Variants in THOC1 observed in about 807,000 individuals in gnomAD.
THOC1 encodes the protein THO complex 1.
In THOC1, 29 loss-of-function variants were observed where a neutral mutation model predicts 97.3. The observed-to-expected ratio is 0.30, with a 90% CI of 0.22 to 0.41. The LOEUF is 0.41. THOC1 is among the 10% of genes least tolerant of loss of function. The pLI, the probability that THOC1 is intolerant of heterozygous loss-of-function variation, is 1.00. For missense variants in THOC1, 529 were observed against 761.9 expected, an observed-to-expected ratio of 0.69 and a Z score of 3.60; for synonymous variants, 255 against 257.0, an observed-to-expected ratio of 0.99 and a Z score of 0.07.
chr18:240,528 A>T (rs961728063), intron 11 of THOC1, among the ~76,000 whole-genome samples: 10 of 152,254 alleles, frequency 6.6e-5, no homozygotes, highest in African/African-American at 2.4e-4. Flanking sequence ...ATTACAAGTC[A>T]ATTTTACAAT....
At chr18:261,751 C>A (rs941213434) in intron 4 of THOC1, among the ~76,000 whole-genome samples, 3 of 152,190 alleles carry the variant, frequency 2.0e-5, no homozygotes, top group Non-Finnish European at 4.4e-5. Context: ...GCAGTATAGC[C>A]TGGAATAAGT....
intron 7 of THOC1, among the ~76,000 whole-genome samples, chr18:255,673 G>A (rs1231041752): frequency 6.6e-6 from 1 of 152,006 alleles, no homozygotes; most frequent in Admixed American, 6.6e-5. Context: ...ATTGATGAAG[G>A]TGGCTACACT....
chr18:231,312 A>G (rs527995254), intron 11 of THOC1, among the ~76,000 whole-genome samples: 3 of 152,136 alleles, frequency 2.0e-5, no homozygotes, highest in Non-Finnish European at 4.4e-5. Context: ...TTCTAACCCT[A>G]AAAAGGCTCA....
intron 9 of THOC1, among the ~76,000 whole-genome samples, chr18:249,873 G>A (rs989872473): frequency 4.6e-5 from 7 of 152,162 alleles, no homozygotes; most frequent in African/African-American, 1.7e-4. Context: ...CAACATGTAA[G>A]ATTGAATATA....
chr18:218,870 TGAG>T lies in THOC1; in HGVS notation c.1454+13_1454+15del, dbSNP rs760531847. 6.4e-7 allele frequency: 1 copy of T among 1,574,334 alleles called. No individual in the cohort carries two copies. The highest frequency in any genetic ancestry group is 8.7e-7 in the Non-Finnish European group (1 of 1,155,736). On this transcript the variant is annotated intron_variant, in intron 18 of 20. Transcript: ENST00000261600. Reference sequence around the variant, plus strand: ...ATTGAAGAAAATTAAAAGGAGCTAATGAGGAGCATACTTACTTATATTCATTTT... The same window carrying T: ...ATTGAAGAAAATTAAAAGGAGCTAATGAGCATACTTACTTATATTCATTTT...
chr18:237,304 G>A (rs761051497), intron 11 of THOC1, among the ~76,000 whole-genome samples: 5 of 150,488 alleles, frequency 3.3e-5, no homozygotes, highest in East Asian at 1.9e-4. Flanking sequence ...CTACAGGTGC[G>A]CACTACCACA....
rs748747249 is a variant in THOC1, at chr18:264,044, T to C, written c.238A>G (p.Ile80Val). ...ENVLAIISLA[I>V]GGVTEGICTA... ...TACTTACCTTCAGTTACTCCCCCAATAGCAAGAGAAATAATAGCTAAAACG... is the reference window on the plus strand; with the variant it reads ...TACTTACCTTCAGTTACTCCCCCAACAGCAAGAGAAATAATAGCTAAAACG... Residue 80 changes from isoleucine to valine, a missense_variant, in exon 4 of 21, where the codon ATT becomes GTT. Transcript: ENST00000261600. 8 of 1,612,066 alleles carry C rather than the reference T, an allele frequency of 5.0e-6. No homozygotes were observed. Among genetic ancestry groups the C allele is most frequent in the African/African-American group, 2.7e-5 (2 of 74,880 alleles).
rs148246902 is a variant in THOC1, at chr18:218,042, A to C, written c.1454+844T>G. 1.3e-3 allele frequency among the ~76,000 whole-genome samples: 203 copies of C among 152,296 alleles called. 2 individuals carry two copies. The Middle Eastern group carries it at 0.017, about 13-fold the overall frequency. ...TCACTGGCTGATGCATGGAGCACTG[A>C]CCACAACTAGAGAGATTAGTTAAGA... On this transcript the variant is annotated intron_variant, in intron 18 of 20. Coordinates refer to ENST00000261600, the MANE Select transcript of THOC1 (RefSeq NM_005131.3).
At chr18:241,692 C>G (rs893522510) in intron 11 of THOC1, among the ~76,000 whole-genome samples, 35 of 152,114 alleles carry the variant, frequency 2.3e-4, no homozygotes, top group African/African-American at 8.0e-4. Context: ...TTAAAAGATC[C>G]AAAAATATAT....
intron 17 of THOC1, among the ~76,000 whole-genome samples, chr18:221,797 A>G (rs558055228): frequency 1.2e-4 from 18 of 152,048 alleles, no homozygotes; most frequent in East Asian, 5.8e-4. Flanking sequence ...TTTAGTAGAG[A>G]CGGGGTTTCA....
intron 7 of THOC1, among the ~76,000 whole-genome samples, chr18:258,154 C>G (rs1400345885): frequency 6.6e-6 from 1 of 151,920 alleles, no homozygotes; most frequent in African/African-American, 2.4e-5. Context: ...AGACTGACAT[C>G]TGACTTGTCA....
intron 17 of THOC1, among the ~76,000 whole-genome samples, chr18:220,444 A>T (rs745971811): frequency 3.7e-5 from 4 of 107,250 alleles, no homozygotes. Flanking sequence ...TTTTAAAAAC[A>T]CTATTCTGAT....
chr18:266,302 G>A (rs543384767), intron 1 of THOC1, among the ~76,000 whole-genome samples: 2 of 152,234 alleles, frequency 1.3e-5, no homozygotes, highest in Non-Finnish European at 2.9e-5. Flanking sequence ...TGAGTAATTT[G>A]GGGCCTGTTC....
chr18:245,701 AG>A (rs1452113733), intron 11 of THOC1: 1 of 152,548 alleles, frequency 6.6e-6, no homozygotes, highest in Non-Finnish European at 1.5e-5. Context: ...TGCCTTGGAT[AG>A]AGAGTCCAGC....
chr18:218,557 G>T (rs1240594717), intron 18 of THOC1, among the ~76,000 whole-genome samples: 1 of 152,148 alleles, frequency 6.6e-6, no homozygotes, highest in Non-Finnish European at 1.5e-5. Context: ...ACATTAAGGG[G>T]AACAGGATAG....
chr18:228,063 C>T (rs368895407), intron 11 of THOC1, among the ~76,000 whole-genome samples: 10 of 152,116 alleles, frequency 6.6e-5, no homozygotes, highest in East Asian at 1.9e-4. Flanking sequence ...TGTGAATGGC[C>T]GGCCATCAGC....
At chr18:253,656 A>C (rs1168948514) in intron 8 of THOC1, among the ~76,000 whole-genome samples, 5 of 152,184 alleles carry the variant, frequency 3.3e-5, no homozygotes, top group Admixed American at 3.3e-4. Context: ...AACAGAAAGT[A>C]CATCTATTCT....
At chr18:227,505 T>C (rs1173336009) in intron 11 of THOC1, among the ~76,000 whole-genome samples, 1 of 152,008 alleles carries the variant, frequency 6.6e-6, no homozygotes, top group African/African-American at 2.4e-5. Flanking sequence ...AGATCATCTC[T>C]GATTAGATGG....
intron 8 of THOC1, among the ~76,000 whole-genome samples, chr18:252,930 A>G (rs1315911035): frequency 6.6e-6 from 1 of 152,252 alleles, no homozygotes; most frequent in Non-Finnish European, 1.5e-5. Context: ...GCACAAGACA[A>G]TTCAACAATA....
Sources: allele counts gnomAD v4.1 joint callset (sites outside exome capture counted in the v4.1 genomes callset), GRCh38; gene constraint gnomAD v4.1.1; transcripts MANE v1.5; gene names NCBI Gene and HGNC (gene_info 2026-07-23, HGNC 2026-07-21).